The following ZNF423 variants were observed in gnomAD, a reference collection of about 807,000 sequenced individuals.
ZNF423 encodes Ebf-associated zinc finger protein.
ZNF423 carries 12 observed loss-of-function variants against 95.8 expected under a neutral mutation model. That is an observed-to-expected ratio of 0.13 (90% CI 0.08 to 0.20). ZNF423 has a LOEUF of 0.20. Among genes scored for constraint, ZNF423 ranks in the 10% least tolerant of loss-of-function variants. The pLI is 1.00. For missense variants in ZNF423, 1,316 were observed against 1,737.1 expected, an observed-to-expected ratio of 0.76 and a Z score of 4.31; for synonymous variants, 749 against 711.9, an observed-to-expected ratio of 1.05 and a Z score of -0.83.
chr16:49,764,539 C>A (rs1029770171), intron 2 of ZNF423: 1 of 151,938 alleles, frequency 6.6e-6, no homozygotes, highest in South Asian at 2.1e-4. Context: ...AACACAGAAT[C>A]GTGGCCATGA....
intron 2 of ZNF423, among the ~76,000 whole-genome samples, chr16:49,787,598 C>T (rs1291708189): frequency 6.6e-6 from 1 of 152,196 alleles, no homozygotes; most frequent in Non-Finnish European, 1.5e-5. Flanking sequence ...TATGGAATTA[C>T]AGAACTACAG....
chr16:49,565,180 G>A (rs549172965), intron 5 of ZNF423, among the ~76,000 whole-genome samples: 1 of 152,114 alleles, frequency 6.6e-6, no homozygotes, highest in Admixed American at 6.6e-5. Flanking sequence ...GTCTGCATAC[G>A]GGCGAACCAT....
chr16:49,691,947 G>T (rs561240515), intron 3 of ZNF423, among the ~76,000 whole-genome samples: 4 of 151,722 alleles, frequency 2.6e-5, no homozygotes, highest in Non-Finnish European at 5.9e-5. Context: ...TTGTTTGTTT[G>T]CTTGTTTGTT....
intron 1 of ZNF423, chr16:49,847,359 T>C (rs1420174232): frequency 2.0e-5 from 3 of 152,392 alleles, no homozygotes; most frequent in East Asian, 1.9e-4. Flanking sequence ...CAGGCAGGCA[T>C]AGGGGCCACA....
At chr16:49,503,578 C>T (rs528430913) in intron 7 of ZNF423, among the ~76,000 whole-genome samples, 1 of 152,336 alleles carries the variant, frequency 6.6e-6, no homozygotes, top group African/African-American at 2.4e-5. Context: ...AGCCATCCTC[C>T]TGGAGCAGGC....
At chr16:49,539,742 T>G (rs575009994) in intron 5 of ZNF423, among the ~76,000 whole-genome samples, 1 of 151,984 alleles carries the variant, frequency 6.6e-6, no homozygotes, top group East Asian at 1.9e-4. Flanking sequence ...AGGAGGAGTC[T>G]GGGAGGCCTG....
intron 7 of ZNF423, among the ~76,000 whole-genome samples, chr16:49,522,126 G>T (rs757029776): frequency 2.0e-5 from 3 of 152,236 alleles, no homozygotes; most frequent in Non-Finnish European, 2.9e-5. Flanking sequence ...AGGTGCAGCA[G>T]TGGCATGGGG....
chr16:49,660,387 CGAATGAAT>C (rs34713592), intron 3 of ZNF423, among the ~76,000 whole-genome samples: 89 of 151,436 alleles, frequency 5.9e-4, no homozygotes, highest in African/African-American at 1.8e-3. Flanking sequence ...AATGAGAAAA[CGAATGAAT>C]GAATGAATGA....
intron 3 of ZNF423, among the ~76,000 whole-genome samples, chr16:49,729,887 G>T (rs1933443337): frequency 6.6e-6 from 1 of 152,090 alleles, no homozygotes; most frequent in Admixed American, 6.6e-5. Flanking sequence ...CCCTCAACAA[G>T]TGATGGGTTC....
At chr16:49,510,607 T>C (rs975192373) in intron 7 of ZNF423, among the ~76,000 whole-genome samples, 6 of 152,220 alleles carry the variant, frequency 3.9e-5, no homozygotes, top group African/African-American at 1.4e-4. Flanking sequence ...CCAGGTGGTC[T>C]GACAGGAGTG....
At chr16:49,783,968 C>CAAA (rs57994963) in intron 2 of ZNF423, among the ~76,000 whole-genome samples, 193 of 87,754 alleles carry the variant, frequency 2.2e-3, no homozygotes, top group African/African-American at 7.5e-3. Context: ...GACTCCAACT[C>CAAA]AAAAAAAAAA....
At chr16:49,787,524 G>A (rs773198645) in intron 2 of ZNF423, among the ~76,000 whole-genome samples, 3 of 152,082 alleles carry the variant, frequency 2.0e-5, no homozygotes, top group Non-Finnish European at 2.9e-5. Flanking sequence ...CTGGAAACTG[G>A]CAAATCCCAC....
chr16:49,714,875 G>A (rs886433189), intron 3 of ZNF423, among the ~76,000 whole-genome samples: 2 of 152,166 alleles, frequency 1.3e-5, no homozygotes, highest in Admixed American at 1.3e-4. Flanking sequence ...CCAGCCCCCA[G>A]GAAGCCATGG....
intron 3 of ZNF423, among the ~76,000 whole-genome samples, chr16:49,666,986 C>T (rs1479925494): frequency 2.0e-5 from 3 of 152,158 alleles, no homozygotes; most frequent in Non-Finnish European, 2.9e-5. Context: ...TCACCAACAC[C>T]GACCTCAAAT....
chr16:49,856,909 G>C (rs1311417111), upstream of ZNF423, among the ~76,000 whole-genome samples: 7 of 109,502 alleles, frequency 6.4e-5, no homozygotes, highest in South Asian at 3.0e-4. Flanking sequence ...CGGAAGAGGA[G>C]GACGAGCAGG....
At chr16:49,834,552 A>T (rs1358768640) in intron 1 of ZNF423, among the ~76,000 whole-genome samples, 1 of 151,934 alleles carries the variant, frequency 6.6e-6, no homozygotes, top group East Asian at 2.0e-4. Flanking sequence ...TCTGGGAAGC[A>T]CGCTCGCCAA....
At chr16:49,699,283 A>G (rs76272731) in intron 3 of ZNF423, among the ~76,000 whole-genome samples, 1 of 152,218 alleles carries the variant, frequency 6.6e-6, no homozygotes, top group African/African-American at 2.4e-5. Context: ...CTGTAACTCT[A>G]ATAAAGGAAA....
chr16:49,513,004 G>A (rs924554199), intron 7 of ZNF423, among the ~76,000 whole-genome samples: 1 of 152,196 alleles, frequency 6.6e-6, no homozygotes, highest in African/African-American at 2.4e-5. Context: ...GCTGAAGCAG[G>A]AGAATCACTT....
chr16:49,675,502 G>C (rs1354756075), intron 3 of ZNF423, among the ~76,000 whole-genome samples: 1 of 151,906 alleles, frequency 6.6e-6, no homozygotes, highest in African/African-American at 2.4e-5. Flanking sequence ...AGCTGGAATT[G>C]GGCACGTTAA....
Sources: gnomAD v4.1 joint callset for allele counts (sites outside exome capture counted in the v4.1 genomes callset) on GRCh38, gnomAD v4.1.1 for gene constraint, MANE v1.5 for transcripts, NCBI Gene and HGNC (gene_info 2026-07-23, HGNC 2026-07-21) for gene names.